The following ZGPAT variants were observed in gnomAD, a reference collection of about 807,000 sequenced individuals.
ZGPAT encodes the protein zinc finger CCCH-type with G patch domain-containing protein.
A neutral mutation model predicts 47.9 loss-of-function variants in ZGPAT; 39 were observed. The ratio of observed to expected loss-of-function variants is 0.81; its 90% CI spans 0.63 to 1.06. ZGPAT has a LOEUF of 1.06. ZGPAT is among the 50% of genes least tolerant of loss of function. ZGPAT has a pLI of 0.00. For missense variants in ZGPAT, 717 were observed against 681.4 expected (o/e 1.05, Z -0.58); for synonymous variants, 348 against 292.9 (o/e 1.19, Z -1.92).
intron 2 of ZGPAT, among the ~76,000 whole-genome samples, chr20:63,730,579 G>A (rs1316715645): frequency 6.6e-6 from 1 of 152,166 alleles, no homozygotes; most frequent in Admixed American, 6.5e-5. Context: ...CCGCCTCCCG[G>A]GTTCAAGCGA....
chr20:63,712,789 G>A (rs1027724247), intron 2 of ZGPAT, among the ~76,000 whole-genome samples: 2 of 152,064 alleles, frequency 1.3e-5, no homozygotes, highest in Non-Finnish European at 2.9e-5. Flanking sequence ...CCAGCTACAC[G>A]AGAGGGTGAG....
intron 2 of ZGPAT, among the ~76,000 whole-genome samples, chr20:63,728,968 C>G (rs1411349939): frequency 6.6e-6 from 1 of 151,936 alleles, no homozygotes; most frequent in Non-Finnish European, 1.5e-5. Context: ...TTCCAGAACT[C>G]TGAAAAGTTC....
Position 63,733,071 on chromosome 20 carries a change from CGTGA to C in ZGPAT, c.585-144_585-141del, listed in dbSNP as rs771982662. 3.3e-3 allele frequency: 3,253 copies of C among 994,786 alleles called. 65 individuals are homozygous for C. The South Asian group carries it at 0.035, about 11-fold the overall frequency. 61.6% of individuals were successfully genotyped at this position (994,786 alleles called of 1,614,324 possible). On this transcript the variant is annotated intron_variant, in intron 2 of 6. Transcript: ENST00000355969. ...GTATGTGTGCGTGTGTATGTGTGTG[CGTGA>C]GTGTGTGAGAGTGTGTATGTATACG...
At chr20:63,718,657 T>C (rs1221066090) in intron 2 of ZGPAT, among the ~76,000 whole-genome samples, 3 of 151,100 alleles carry the variant, frequency 2.0e-5, no homozygotes, top group Non-Finnish European at 4.4e-5. Flanking sequence ...AAGGTCTCAC[T>C]CAAGCCCAGG....
intron 2 of ZGPAT, chr20:63,730,049 A>ACACACACAC (rs1211820379): frequency 1.9e-5 from 1 of 52,220 alleles, no homozygotes; most frequent in African/African-American, 7.8e-5. Flanking sequence ...CACACACACA[A>ACACACACAC]AATAATAGAA....
At chr20:63,720,965 G>T (rs919142792) in intron 2 of ZGPAT, among the ~76,000 whole-genome samples, 2 of 152,128 alleles carry the variant, frequency 1.3e-5, no homozygotes, top group Non-Finnish European at 2.9e-5. Context: ...TTTAAATAAA[G>T]ATTATATTCT....
upstream of ZGPAT, chr20:63,707,775 A>T (rs1338605776): frequency 4.6e-5 from 7 of 152,244 alleles, no homozygotes; most frequent in Admixed American, 4.6e-4. Flanking sequence ...CCCGACAAGC[A>T]GCCAAAGCTG....
At position 63,726,277 on chromosome 20, in the gene ZGPAT, C is replaced by T. The variant is rs577053363; in HGVS notation, c.585-6942C>T. On this transcript the variant is annotated intron_variant, in intron 2 of 6. Coordinates refer to ENST00000355969, the MANE Select transcript of ZGPAT (RefSeq NM_181485.3). The stretch of plus-strand genomic sequence containing the variant: ...GCAATGGCGCGATCTTGGCTCACTG[C>T]AACCTCCACCTCTCAGGTTCAAGTG... Among the ~76,000 whole-genome samples, 97 of 149,502 alleles carry T rather than the reference C, an allele frequency of 6.5e-4. 1 individual carries two copies. In the South Asian group the frequency reaches 7.2e-3, roughly 11 times the overall value.
At chr20:63,712,755 C>T (rs13043984) in intron 2 of ZGPAT, among the ~76,000 whole-genome samples, 21 of 151,938 alleles carry the variant, frequency 1.4e-4, no homozygotes, top group East Asian at 3.9e-4. Flanking sequence ...ACAAATTAGT[C>T]GGAGGTGGTG....
intron 2 of ZGPAT, among the ~76,000 whole-genome samples, chr20:63,715,034 G>A (rs954288809): frequency 3.3e-5 from 5 of 151,656 alleles, no homozygotes; most frequent in Non-Finnish European, 5.9e-5. Flanking sequence ...ATTGATTTTC[G>A]TATGTTGAAC....
rs748012028 is a variant in ZGPAT, at chr20:63,709,116, C to T, written c.536C>T (p.Pro179Leu). ...TACCCCACTCACAAGTCTCTGAAGC[C>T]GTGCCCGTTCTTCCTGGAGGGAAAG... ...YLYPTHKSLK[P>L]CPFFLEGKCR... The change falls in exon 2 of 7, where the codon CCG becomes CTG. Residue 179 changes from proline (P) to leucine (L), a missense_variant. Physicochemically the swap from Pro to Leu is moderately conservative, Grantham distance 98. Coordinates refer to ENST00000355969, the MANE Select transcript of ZGPAT (RefSeq NM_181485.3). 5 of 1,612,982 alleles carry T rather than the reference C, an allele frequency of 3.1e-6. No individual in the cohort carries two copies. The highest frequency in any genetic ancestry group is 2.2e-5 in the East Asian group (1 of 44,886).
intron 2 of ZGPAT, among the ~76,000 whole-genome samples, chr20:63,723,751 G>A (rs1443229017): frequency 3.9e-5 from 6 of 152,190 alleles, no homozygotes; most frequent in African/African-American, 1.2e-4. Flanking sequence ...GCTCTTCAGC[G>A]TTATAATTAT....
Position 63,735,570 on chromosome 20 carries a change from T to A in ZGPAT, c.1397+6T>A, listed in dbSNP as rs1432272198. ...CTCGCCCGCAACGCTGGCCGGTACG[T>A]GTGGGGCCCAGCTCAGGGCAAAGGG... On this transcript the variant is annotated splice_donor_region_variant and intron_variant, in intron 6 of 6. Coordinates refer to ENST00000355969, the MANE Select transcript of ZGPAT (RefSeq NM_181485.3). 2 of 1,513,824 alleles carry A rather than the reference T, an allele frequency of 1.3e-6. No individual in the cohort carries two copies. The highest frequency in any genetic ancestry group is 4.5e-5 in the Admixed American group (2 of 44,544). 93.8% of individuals were successfully genotyped at this position (1,513,824 alleles called of 1,614,324 possible).
chr20:63,731,422 T>C (rs2091900603), intron 2 of ZGPAT, among the ~76,000 whole-genome samples: 1 of 150,538 alleles, frequency 6.6e-6, no homozygotes, highest in Non-Finnish European at 1.5e-5. Flanking sequence ...TATGTGTGCA[T>C]GTGCATACGT....
Position 63,722,366 on chromosome 20 carries a change from G to C in ZGPAT, c.585-10853G>C, listed in dbSNP as rs192890845. ...AAAAGTTTATTGGGAGGTTTTGACA[G>C]TTTAATAGAAAAAAGTTTATTGTGA... On this transcript the variant is annotated intron_variant, in intron 2 of 6. Transcript: ENST00000355969. Among the ~76,000 whole-genome samples, 8 of 152,290 alleles carry C rather than the reference G, an allele frequency of 5.3e-5. No individual in the cohort carries two copies. The East Asian group carries it at 1.3e-3, about 26-fold the overall frequency.
chr20:63,712,896 A>C (rs1326025033), intron 2 of ZGPAT, among the ~76,000 whole-genome samples: 1 of 152,064 alleles, frequency 6.6e-6, no homozygotes, highest in Non-Finnish European at 1.5e-5. Flanking sequence ...ACTCCATCTT[A>C]AACAACAACA....
intron 2 of ZGPAT, among the ~76,000 whole-genome samples, chr20:63,717,342 T>G (rs1169064526): frequency 7.2e-6 from 1 of 138,150 alleles, no homozygotes; most frequent in African/African-American, 2.7e-5. Context: ...CTTTTTTTTT[T>G]TTTTTTTTTT....
At chr20:63,730,927 TCTCTCTCTC>T (rs2091891975) in intron 2 of ZGPAT, among the ~76,000 whole-genome samples, 1 of 13,620 alleles carries the variant, frequency 7.3e-5, no homozygotes, top group Non-Finnish European at 1.4e-4. Context: ...CTTCATTCTC[TCTCTCTCTC>T]TCTCTCTCTC....
At chr20:63,724,984 CTTTTT>C (rs35291396) in intron 2 of ZGPAT, among the ~76,000 whole-genome samples, 1 of 125,890 alleles carries the variant, frequency 7.9e-6, no homozygotes, top group African/African-American at 3.0e-5. Context: ...TTTAGAATTT[CTTTTT>C]TTTTTTTTTT....
Sources: gnomAD v4.1 joint callset for allele counts (sites outside exome capture counted in the v4.1 genomes callset) on GRCh38, gnomAD v4.1.1 for gene constraint, MANE v1.5 for transcripts, NCBI Gene and HGNC (gene_info 2026-07-23, HGNC 2026-07-21) for gene names.